PLD5: variants seen among roughly 807,000 people sequenced by gnomAD.
The protein encoded by PLD5 is phospholipase D family member 5, also known as inactive phospholipase D5.
Under a neutral mutation model 61.1 loss-of-function variants are expected in PLD5, and 36 were observed. The observed-to-expected ratio is 0.59, with a 90% CI of 0.45 to 0.78. The LOEUF (loss-of-function observed/expected upper bound fraction) is 0.78. PLD5 is among the 30% of genes least tolerant of loss of function. The pLI is 0.00. For synonymous variants in PLD5, 243 were observed against 242.8 expected (o/e 1.00, Z -0.01); for missense variants, 515 against 644.4 (o/e 0.80, Z 2.17).
intron 5 of PLD5, among the ~76,000 whole-genome samples, chr1:242,156,432 A>G (rs1029974824): frequency 2.0e-5 from 3 of 152,038 alleles, no homozygotes; most frequent in African/African-American, 7.2e-5. Flanking sequence ...AGTTGATGCA[A>G]TGTCTTCATA....
intron 1 of PLD5, among the ~76,000 whole-genome samples, chr1:242,430,465 G>A (rs932793382): frequency 3.9e-5 from 6 of 151,948 alleles, no homozygotes; most frequent in Admixed American, 2.6e-4. Context: ...ACCTCTCAAA[G>A]GACACACCTC....
At chr1:242,164,121 A>G (rs1666118927) in intron 5 of PLD5, among the ~76,000 whole-genome samples, 1 of 152,054 alleles carries the variant, frequency 6.6e-6, no homozygotes, top group Non-Finnish European at 1.5e-5. Context: ...TGGGTAAAGG[A>G]AGTCAAACTC....
chr1:242,501,810 AC>A (rs1318427121), intron 1 of PLD5, among the ~76,000 whole-genome samples: 1 of 150,240 alleles, frequency 6.7e-6, no homozygotes, highest in African/African-American at 2.5e-5. Flanking sequence ...ATATATATAT[AC>A]ACTACATCAT....
At chr1:242,516,660 G>A (rs1046253923) in intron 1 of PLD5, among the ~76,000 whole-genome samples, 1 of 152,142 alleles carries the variant, frequency 6.6e-6, no homozygotes, top group African/African-American at 2.4e-5. Flanking sequence ...TTTCTGCACT[G>A]TCTAGTTTGT....
At chr1:242,185,141 G>A (rs1239979443) in intron 5 of PLD5, among the ~76,000 whole-genome samples, 1 of 152,132 alleles carries the variant, frequency 6.6e-6, no homozygotes, top group African/African-American at 2.4e-5. Context: ...ACATACATTT[G>A]TCACAGTGTG....
intron 2 of PLD5, among the ~76,000 whole-genome samples, chr1:242,343,795 T>G (rs202177459): frequency 6.7e-6 from 1 of 149,974 alleles, no homozygotes; most frequent in East Asian, 2.0e-4. Flanking sequence ...AAAAAAAAAT[T>G]CAAGTGAGAC....
intron 1 of PLD5, among the ~76,000 whole-genome samples, chr1:242,357,611 G>A (rs144912960): frequency 0.028 from 4,222 of 151,202 alleles, 91 homozygotes; most frequent in African/African-American, 0.056. Context: ...TCAGCCTCCC[G>A]AGTAGCTGGG....
chr1:242,378,750 A>C (rs1662112558), intron 1 of PLD5, among the ~76,000 whole-genome samples: 1 of 152,164 alleles, frequency 6.6e-6, no homozygotes, highest in South Asian at 2.1e-4. Context: ...CTGAGACATG[A>C]GAATCACTTG....
At chr1:242,327,623 T>C (rs562618654) in intron 2 of PLD5, among the ~76,000 whole-genome samples, 1 of 152,348 alleles carries the variant, frequency 6.6e-6, no homozygotes, top group South Asian at 2.1e-4. Context: ...TCAAATTTAC[T>C]AGGAGGCAAA....
chr1:242,177,428 T>A (rs1375622050), intron 5 of PLD5, among the ~76,000 whole-genome samples: 1 of 151,954 alleles, frequency 6.6e-6, no homozygotes, highest in Non-Finnish European at 1.5e-5. Flanking sequence ...GGTAGGGGGC[T>A]ATGGGAGGGA....
chr1:242,516,250 T>TTATATATATATATA lies in PLD5; in HGVS notation c.189+7824_189+7837dup, dbSNP rs57043354. ...AAAAATATATTCTTCTAAAGTTAAA[T>TTATATATATATATA]TATATATATATATATATATATATAT... On this transcript the variant is annotated intron_variant, in intron 1 of 9. Transcript: ENST00000536534. 2.6e-3 allele frequency among the ~76,000 whole-genome samples: 360 copies of TTATATATATATATA among 138,524 alleles called. 4 individuals carry two copies. Among genetic ancestry groups the TTATATATATATATA allele is most frequent in the African/African-American group, 9.1e-3 (335 of 36,704 alleles). The allele number at this position is 138,524 out of a possible 152,430, so 90.9% of individuals were successfully genotyped here. A position where few individuals can be genotyped will look rare whatever the true frequency, so the allele number is the denominator to read the frequency against.
chr1:242,449,296 C>T (rs369494072), intron 1 of PLD5: 1 of 1,535,120 alleles, frequency 6.5e-7, no homozygotes, highest in Non-Finnish European at 8.7e-7. Context: ...CCAGCAGAGG[C>T]TAAGAATTCT....
chr1:242,214,853 C>A (rs1046339893), intron 5 of PLD5, among the ~76,000 whole-genome samples: 1 of 145,628 alleles, frequency 6.9e-6, no homozygotes, highest in African/African-American at 2.6e-5. Context: ...AGAGTCCACT[C>A]GATATGTCAT....
chr1:242,226,814 T>A (rs1670976244), intron 4 of PLD5, among the ~76,000 whole-genome samples: 1 of 152,222 alleles, frequency 6.6e-6, no homozygotes, highest in Non-Finnish European at 1.5e-5. Flanking sequence ...GTTCTGTTTC[T>A]TTACTAAACT....
intron 1 of PLD5, among the ~76,000 whole-genome samples, chr1:242,449,856 G>A (rs557150961): frequency 6.6e-6 from 1 of 152,192 alleles, no homozygotes; most frequent in Non-Finnish European, 1.5e-5. Flanking sequence ...CGAGCGAAGA[G>A]GGGCAATGCT....
intron 5 of PLD5, among the ~76,000 whole-genome samples, chr1:242,175,359 T>A (rs771808081): frequency 9.2e-5 from 14 of 152,178 alleles, no homozygotes; most frequent in Non-Finnish European, 1.8e-4. Context: ...ATCACGATTA[T>A]CTCAATAGAT....
At chr1:242,185,734 T>C (rs1345994323) in intron 5 of PLD5, among the ~76,000 whole-genome samples, 1 of 152,226 alleles carries the variant, frequency 6.6e-6, no homozygotes, top group Non-Finnish European at 1.5e-5. Context: ...GGCTACATCA[T>C]TGAAATAGAA....
the PLD5 span, among the ~76,000 whole-genome samples, chr1:242,529,774 G>A: frequency 1.1e-5 from 1 of 92,914 alleles, no homozygotes; most frequent in Non-Finnish European, 2.2e-5. Context: ...AGATGGCACT[G>A]GGATCTTCCT....
In PLD5 at chr1:242,524,341, G is replaced by A. The variant is rs1418531604; in HGVS notation, c.-65C>T. ...GGGACGGGCGCGCGGGGAGCCGGGC[G>A]CGGAGGGCGAGCGGGAGGCCCAGCG... On this transcript the variant is annotated 5_prime_UTR_variant, in exon 1 of 10. Transcript: ENST00000536534. 1.1e-5 allele frequency: 15 copies of A among 1,333,634 alleles called. No homozygotes were observed. The highest frequency in any genetic ancestry group is 1.6e-5 in the African/African-American group (1 of 64,378). 82.6% of individuals were successfully genotyped at this position (1,333,634 alleles called of 1,614,324 possible).
Sources: allele counts gnomAD v4.1 joint callset (sites outside exome capture counted in the v4.1 genomes callset), GRCh38; gene constraint gnomAD v4.1.1; transcripts MANE v1.5; gene names NCBI Gene and HGNC (gene_info 2026-07-23, HGNC 2026-07-21).